Variants in RASAL1 observed in about 807,000 individuals in gnomAD.
RASAL1 encodes RAS protein activator like 1.
In RASAL1, 72 loss-of-function variants were observed where a neutral mutation model predicts 96.6. That is an observed-to-expected ratio of 0.75 (90% CI 0.62 to 0.91). The LOEUF is 0.91. Ranked by LOEUF, RASAL1 falls within the 40% of genes least tolerant of loss-of-function variation. The probability of loss-of-function intolerance (pLI) is 0.00; values close to 1 mark genes in which losing one functional copy is unlikely to be tolerated. For missense variants in RASAL1, 1,016 were observed against 1,072.5 expected, an observed-to-expected ratio of 0.95 and a Z score of 0.74; for synonymous variants, 405 against 430.4, an observed-to-expected ratio of 0.94 and a Z score of 0.73.
At chr12:113,101,735 T>G (rs978006027) in intron 19 of RASAL1, among the ~76,000 whole-genome samples, 154 bp downstream of exon 19, 1 of 146,112 alleles carries the variant, frequency 6.8e-6, no homozygotes, top group African/African-American at 2.5e-5. Context: ...AAGCCCTGAC[T>G]GTGTAGACAC....
intron 20 of RASAL1, 53 bp from the exon 21 acceptor site, chr12:113,100,121 T>C: frequency 1.3e-6 from 2 of 1,511,460 alleles, no homozygotes; most frequent in Non-Finnish European, 1.8e-6. Flanking sequence ...GGCAGGCTGC[T>C]GTAACCCGGA....
At position 113,130,044 on chromosome 12, in the gene RASAL1, G is replaced by A. The variant is rs551392560; in HGVS notation, c.122+841C>T. Among the ~76,000 whole-genome samples the A allele has an allele frequency of 7.5e-4, 114 of 152,018 alleles. 1 individual carries two copies. Among genetic ancestry groups the A allele is most frequent in the African/African-American group, 2.7e-3 (110 of 41,458 alleles). On this transcript the variant is annotated intron_variant, in intron 2 of 20. Transcript: ENST00000548055. This position sits in a 1 kb window ranked among gnomAD's most constrained non-coding sequence, Gnocchi z 5.1. The stretch of plus-strand genomic sequence containing the variant: ...GGAGCTACAGCTGACCCCTCCCCCA[G>A]GCAGGCTCCCCACCCCCAGCTCTGA...
chr12:113,116,814 T>A (rs747967593), intron 8 of RASAL1, among the ~76,000 whole-genome samples: 6 of 152,092 alleles, frequency 3.9e-5, no homozygotes, highest in Admixed American at 6.5e-5. Context: ...TATGGAGAGG[T>A]GTGGAAGGAC....
Position 113,099,827 on chromosome 12 carries a change from G to T in RASAL1, c.*102C>A. On this transcript the variant is annotated 3_prime_UTR_variant, in exon 21 of 21. Coordinates refer to ENST00000548055, the MANE Select transcript of RASAL1 (RefSeq NM_001301202.2). ...CGTCTCTGGGAGCCTCCAAACCACA[G>T]AATCAAAGAGGTCCAAGGAGACAGG... 1 of 1,480,664 alleles carries T rather than the reference G, an allele frequency of 6.8e-7. No homozygotes were observed. Among genetic ancestry groups the T allele is most frequent in the South Asian group, 1.4e-5 (1 of 72,936 alleles). 91.7% of individuals were successfully genotyped at this position (1,480,664 alleles called of 1,614,324 possible).
chr12:113,112,251 CG>C lies in RASAL1; in HGVS notation c.1208del (p.Ser403TrpfsTer13). On this transcript the variant is annotated frameshift_variant, in exon 13 of 21. Coordinates refer to ENST00000548055, the MANE Select transcript of RASAL1 (RefSeq NM_001301202.2). LOFTEE classifies it high-confidence loss of function. ...TRRISFKGALSEEQMRETSLG... is the reference protein window; with the variant it reads ...TRRISFKGALXEEQMRETSLG... ...GGCTGGTCTCCCGCATCTGCTCCTC[CG>C]AGAGTGCGCCTTTGAAGGAGATCCT... The C allele has an allele frequency of 7.9e-7, 1 of 1,264,866 alleles. No individual in the cohort carries two copies. Among genetic ancestry groups the C allele is most frequent in the South Asian group, 3.8e-5 (1 of 26,460 alleles). The allele number at this position is 1,264,866 out of a possible 1,614,324, so 78.4% of individuals were successfully genotyped here.
chr12:113,108,272 G>C (rs1052342835), intron 13 of RASAL1, 50 bp from the exon 14 acceptor site: 1 of 1,563,092 alleles, frequency 6.4e-7, no homozygotes, highest in Middle Eastern at 1.7e-4. Flanking sequence ...CCACTTCTCA[G>C]CTGCGTAAAC....
chr12:113,123,098 TC>T (rs1156913354), intron 4 of RASAL1, among the ~76,000 whole-genome samples: 1 of 152,258 alleles, frequency 6.6e-6, no homozygotes, highest in Admixed American at 6.5e-5. Flanking sequence ...TTGGTGCTTT[TC>T]TAAAATCTGT....
At chr12:113,104,659 T>G (rs1370683609) in intron 16 of RASAL1, among the ~76,000 whole-genome samples, 1 of 151,978 alleles carries the variant, frequency 6.6e-6, no homozygotes, top group Non-Finnish European at 1.5e-5. Context: ...GCACCACCGC[T>G]CCCGGCTAAT....
At chr12:113,120,078 C>T (rs1267774767) in intron 5 of RASAL1, among the ~76,000 whole-genome samples, 1 of 152,068 alleles carries the variant, frequency 6.6e-6, no homozygotes, top group East Asian at 1.9e-4. Flanking sequence ...CATGACAACC[C>T]AAAAGTCTTA....
In RASAL1 at chr12:113,130,945, C is replaced by T. The variant is rs1389654214; in HGVS notation, c.66-4G>A. ...GTAGGGGTCGCTGCTCCCAGACCTG[C>T]AGAAGGAGGGAGTTCAGGGAGGAAG... On this transcript the variant is annotated splice_region_variant and splice_polypyrimidine_tract_variant and intron_variant, in intron 1 of 20. Coordinates refer to ENST00000548055, the MANE Select transcript of RASAL1 (RefSeq NM_001301202.2). The surrounding 1 kb of genome is among the most constrained non-coding windows in gnomAD (Gnocchi z 5.1). 4.3e-6 allele frequency: 7 copies of T among 1,612,796 alleles called. No individual in the cohort carries two copies. The Admixed American group carries it at 1.0e-4, about 23-fold the overall frequency.
chr12:113,134,148 G>A (rs552115932), intron 1 of RASAL1, among the ~76,000 whole-genome samples: 2 of 151,964 alleles, frequency 1.3e-5, no homozygotes, highest in East Asian at 1.9e-4. Flanking sequence ...AGAGTCTGGT[G>A]GGGGGGCTTG....
intron 16 of RASAL1, among the ~76,000 whole-genome samples, chr12:113,104,956 C>T (rs1446471876): frequency 6.6e-6 from 1 of 152,222 alleles, no homozygotes; most frequent in Non-Finnish European, 1.5e-5. Context: ...TTATTCTCTC[C>T]AACCTGCAGA....
intron 18 of RASAL1, chr12:113,103,028 T>C (rs1335235414): frequency 3.0e-5 from 9 of 300,304 alleles, no homozygotes; most frequent in Non-Finnish European, 5.9e-5. Flanking sequence ...AAGCCCTCCT[T>C]GAGTCCCCAT....
chr12:113,108,403 A>C (rs1338323701), intron 13 of RASAL1, among the ~76,000 whole-genome samples, 181 bp from the exon 14 acceptor site: 3 of 152,248 alleles, frequency 2.0e-5, no homozygotes, highest in Admixed American at 6.5e-5. Context: ...TCTCACCTGG[A>C]AAATGGAATA....
Position 113,115,515 on chromosome 12 carries a change from G to C in RASAL1, c.1003+120C>G. On this transcript the variant is annotated intron_variant, in intron 10 of 20. Coordinates refer to ENST00000548055, the MANE Select transcript of RASAL1 (RefSeq NM_001301202.2). This position sits in a 1 kb window ranked among gnomAD's most constrained non-coding sequence, Gnocchi z 4.1. ...ACTGTCTGGAGGTGCACAGCACAGGGACCCACAGAAAAAGGAGCCCTTTTT... is the reference window on the plus strand; with the variant it reads ...ACTGTCTGGAGGTGCACAGCACAGGCACCCACAGAAAAAGGAGCCCTTTTT... The C allele has an allele frequency of 7.5e-7, 1 of 1,332,746 alleles. No homozygotes were observed. Among genetic ancestry groups the C allele is most frequent in the South Asian group, 1.5e-5 (1 of 68,962 alleles). 82.6% of individuals were successfully genotyped at this position (1,332,746 alleles called of 1,614,324 possible). A position where few individuals can be genotyped will look rare whatever the true frequency, so the allele number is the denominator to read the frequency against.
Position 113,135,700 on chromosome 12 carries a change from C to A in RASAL1, c.-238G>T. Reference sequence around the variant, plus strand: ...GGAGCCGTGCTCCGAGCAGGAGGAGCGCGCAGGGGGCGCAGCGGGCTCTTG... The same window carrying A: ...GGAGCCGTGCTCCGAGCAGGAGGAGAGCGCAGGGGGCGCAGCGGGCTCTTG... On this transcript the variant is annotated 5_prime_UTR_variant, in exon 1 of 21. Coordinates refer to ENST00000548055, the MANE Select transcript of RASAL1 (RefSeq NM_001301202.2). This position sits in a 1 kb window ranked among gnomAD's most constrained non-coding sequence, Gnocchi z 5.7. 3.5e-6 allele frequency: 1 copy of A among 283,228 alleles called. No homozygotes were observed. The highest frequency in any genetic ancestry group is 6.8e-6 in the Non-Finnish European group (1 of 147,458). 17.5% of individuals were successfully genotyped at this position (283,228 alleles called of 1,614,324 possible). A position where few individuals can be genotyped will look rare whatever the true frequency, so the allele number is the denominator to read the frequency against.
chr12:113,118,648 A>T (rs553907114), intron 7 of RASAL1, among the ~76,000 whole-genome samples: 1 of 152,184 alleles, frequency 6.6e-6, no homozygotes, highest in African/African-American at 2.4e-5. Flanking sequence ...AGTAGGAGTT[A>T]AGGGCGTTAA....
chr12:113,132,731 A>C, intron 1 of RASAL1, among the ~76,000 whole-genome samples: 1 of 149,870 alleles, frequency 6.7e-6, no homozygotes, highest in African/African-American at 2.5e-5. Context: ...CCCTCTCTGG[A>C]CTCCTTCCCT....
chr12:113,113,232 G>T lies in RASAL1; in HGVS notation c.1182-954C>A, dbSNP rs547935025. Among the ~76,000 whole-genome samples, 3 of 152,208 alleles carry T rather than the reference G, an allele frequency of 2.0e-5. No homozygotes were observed. In the South Asian group the frequency reaches 6.2e-4, roughly 32 times the overall value. On this transcript the variant is annotated intron_variant, in intron 12 of 20. Transcript: ENST00000548055. ...AGCCCCACTGTGTCCTGGACCCAAC[G>T]TGCTGAGCCCTGGACTTGTCTCTGG...
Sources: allele counts gnomAD v4.1 joint callset (sites outside exome capture counted in the v4.1 genomes callset), GRCh38; gene constraint gnomAD v4.1.1; non-coding constraint Gnocchi (gnomAD v3.1); transcripts MANE v1.5; gene names NCBI Gene and HGNC (gene_info 2026-07-23, HGNC 2026-07-21).